Variants in SORCS1 observed in about 807,000 individuals in gnomAD.
The protein encoded by SORCS1 is sortilin related VPS10 domain containing receptor 1.
In SORCS1, 60 loss-of-function variants were observed where a neutral mutation model predicts 146.1. The observed-to-expected ratio is 0.41, with a 90% CI of 0.33 to 0.51. The LOEUF (loss-of-function observed/expected upper bound fraction) is 0.51, where lower values mean the gene tolerates loss of function less well. Among genes scored for constraint, SORCS1 ranks in the 20% least tolerant of loss-of-function variants. SORCS1 has a pLI of 0.21. For synonymous variants in SORCS1, 637 were observed against 584.0 expected (o/e 1.09, Z -1.31); for missense variants, 1,352 against 1,487.6 (o/e 0.91, Z 1.50).
chr10:106,897,488 T>G (rs1951535179), intron 2 of SORCS1, among the ~76,000 whole-genome samples: 2 of 152,136 alleles, frequency 1.3e-5, no homozygotes, highest in African/African-American at 2.4e-5. Context: ...TCTATTCACT[T>G]CTCCTTGGCC....
chr10:106,631,083 C>A (rs567609958), intron 18 of SORCS1, among the ~76,000 whole-genome samples: 2 of 152,206 alleles, frequency 1.3e-5, no homozygotes, highest in South Asian at 4.1e-4. Context: ...TTTGAAAAGG[C>A]CAAGTTTAAA....
At chr10:106,859,711 C>G (rs547959086) in intron 2 of SORCS1, among the ~76,000 whole-genome samples, 1 of 152,134 alleles carries the variant, frequency 6.6e-6, no homozygotes, top group Non-Finnish European at 1.5e-5. Context: ...TTTCATTGAA[C>G]CTTTTCACAT....
At chr10:106,602,814 C>G (rs554079990) in intron 23 of SORCS1, among the ~76,000 whole-genome samples, 1 of 152,260 alleles carries the variant, frequency 6.6e-6, no homozygotes, top group South Asian at 2.1e-4. Context: ...TTAAAAAGAT[C>G]TGGACTGATA....
intron 2 of SORCS1, among the ~76,000 whole-genome samples, chr10:106,901,043 T>C (rs990722019): frequency 6.6e-6 from 1 of 152,210 alleles, no homozygotes. Flanking sequence ...CAGTGGCTGA[T>C]GGTGCCCTTG....
At position 106,924,767 on chromosome 10, in the gene SORCS1, T is replaced by TG. The variant is rs1554885344; in HGVS notation, c.626+31745_626+31746insC. On this transcript the variant is annotated intron_variant, in intron 2 of 25. Transcript: ENST00000263054. ...ATTTTTACATTTAACTGCATGGATT[T>TG]TTTTTTTTTTTTATGTTAAGGCAAC... Among the ~76,000 whole-genome samples, 365 of 38,540 alleles carry TG rather than the reference T, an allele frequency of 9.5e-3. 2 individuals are homozygous for TG. Among genetic ancestry groups the TG allele is most frequent in the Admixed American group, 0.022 (83 of 3,744 alleles). 25.3% of individuals were successfully genotyped at this position (38,540 alleles called of 152,430 possible). A position where few individuals can be genotyped will look rare whatever the true frequency, so the allele number is the denominator to read the frequency against.
intron 1 of SORCS1, among the ~76,000 whole-genome samples, chr10:107,098,476 A>T (rs1656893588): frequency 6.6e-6 from 1 of 152,202 alleles, no homozygotes; most frequent in Non-Finnish European, 1.5e-5. Flanking sequence ...TTTTTCCACC[A>T]TTCAGCATTT....
intron 3 of SORCS1, among the ~76,000 whole-genome samples, chr10:106,824,724 A>T (rs2136956493): frequency 6.6e-6 from 1 of 152,344 alleles, no homozygotes; most frequent in South Asian, 2.1e-4. Context: ...CACATATAAT[A>T]GGGTAATTAA....
At chr10:106,818,374 T>A (rs571387450) in intron 3 of SORCS1, among the ~76,000 whole-genome samples, 1 of 151,892 alleles carries the variant, frequency 6.6e-6, no homozygotes, top group African/African-American at 2.4e-5. Flanking sequence ...TGAGGATTTT[T>A]TTTTTTTTTT....
chr10:107,019,036 G>C (rs1429953187), intron 1 of SORCS1, among the ~76,000 whole-genome samples: 1 of 151,820 alleles, frequency 6.6e-6, no homozygotes, highest in African/African-American at 2.4e-5. Context: ...TTGTTTTTTT[G>C]CATCTGTGAA....
chr10:106,606,242 G>GAAAGAGA (rs1846565577), intron 23 of SORCS1, among the ~76,000 whole-genome samples: 1 of 147,678 alleles, frequency 6.8e-6, no homozygotes, highest in Admixed American at 6.9e-5. Flanking sequence ...GGGGAAAAGA[G>GAAAGAGA]AAAGAGAATC....
intron 3 of SORCS1, among the ~76,000 whole-genome samples, chr10:106,811,496 G>A (rs560080350): frequency 3.3e-4 from 50 of 152,176 alleles, no homozygotes; most frequent in African/African-American, 1.0e-3. Context: ...CAGAACTAAC[G>A]ACCTAGAATT....
chr10:106,708,222 A>T (rs1854674006), intron 7 of SORCS1, among the ~76,000 whole-genome samples: 1 of 151,590 alleles, frequency 6.6e-6, no homozygotes, highest in South Asian at 2.1e-4. Context: ...TTAATTACTA[A>T]TTTCCCTGAA....
At chr10:106,646,325 T>C (rs185786455) in intron 18 of SORCS1, among the ~76,000 whole-genome samples, 7 of 152,262 alleles carry the variant, frequency 4.6e-5, no homozygotes, top group Non-Finnish European at 1.0e-4. Flanking sequence ...TTATACTAAA[T>C]GGGTTTTCTT....
At chr10:106,851,143 G>T (rs1247509186) in intron 2 of SORCS1, among the ~76,000 whole-genome samples, 1 of 152,058 alleles carries the variant, frequency 6.6e-6, no homozygotes, top group African/African-American at 2.4e-5. Flanking sequence ...TTTTTTCCCA[G>T]TCTGTGGCTT....
At chr10:106,704,604 C>T (rs912408947) in intron 8 of SORCS1, among the ~76,000 whole-genome samples, 5 of 152,168 alleles carry the variant, frequency 3.3e-5, no homozygotes, top group Non-Finnish European at 7.4e-5. Context: ...GCAGGAGAAT[C>T]GCTTGAACCC....
chr10:107,134,507 C>T (rs1967115873), intron 1 of SORCS1, among the ~76,000 whole-genome samples: 1 of 152,094 alleles, frequency 6.6e-6, no homozygotes, highest in Admixed American at 6.5e-5. Context: ...GACGTGGTGG[C>T]ACGTGCCTAT....
chr10:107,099,383 G>A (rs920012600), intron 1 of SORCS1, among the ~76,000 whole-genome samples: 1 of 152,112 alleles, frequency 6.6e-6, no homozygotes, highest in Admixed American at 6.5e-5. Context: ...CTTTCCATGA[G>A]CATTTCCAAA....
chr10:106,730,400 G>A (rs80068541), intron 5 of SORCS1, among the ~76,000 whole-genome samples: 2,461 of 152,314 alleles, frequency 0.016, 71 homozygotes, highest in African/African-American at 0.057. Flanking sequence ...TGTTGGGTGT[G>A]TACTCTTGCA....
chr10:106,756,075 G>A (rs1858615040), intron 5 of SORCS1, among the ~76,000 whole-genome samples: 2 of 152,182 alleles, frequency 1.3e-5, no homozygotes, highest in South Asian at 4.1e-4. Context: ...GTGGCAATGA[G>A]CTGAGATTGC....
Sources: allele counts gnomAD v4.1 joint callset (sites outside exome capture counted in the v4.1 genomes callset), GRCh38; gene constraint gnomAD v4.1.1; transcripts MANE v1.5; gene names NCBI Gene and HGNC (gene_info 2026-07-23, HGNC 2026-07-21).